The following PTPRT variants were observed in gnomAD, a reference collection of about 807,000 sequenced individuals.
PTPRT encodes the protein receptor-type tyrosine-protein phosphatase T.
PTPRT carries 56 observed loss-of-function variants against 176.8 expected under a neutral mutation model. The observed-to-expected ratio is 0.32, with a 90% CI of 0.26 to 0.40. The LOEUF (loss-of-function observed/expected upper bound fraction) is 0.40. PTPRT is among the 10% of genes least tolerant of loss of function. The pLI is 1.00. For synonymous variants in PTPRT, 783 were observed against 739.0 expected (o/e 1.06, Z -0.96); for missense variants, 1,540 against 1,908.2 (o/e 0.81, Z 3.60).
intron 7 of PTPRT, among the ~76,000 whole-genome samples, chr20:42,619,180 A>T (rs200348198): frequency 3.5e-4 from 52 of 149,892 alleles, no homozygotes; most frequent in Non-Finnish European, 5.2e-4. Flanking sequence ...TAAAGTATTT[A>T]ATTTCTCCTT....
chr20:42,219,822 T>A lies in PTPRT; in HGVS notation c.2342+16407A>T, dbSNP rs112265728. ...AGCTTAACTATCACATGGTTCTAAG[T>A]CCTGTAACTACCATTAATTGGATGG... On this transcript the variant is annotated intron_variant, in intron 15 of 30. Transcript: ENST00000373187. 8.8e-3 allele frequency among the ~76,000 whole-genome samples: 1,337 copies of A among 152,254 alleles called. 13 individuals are homozygous for A. Among genetic ancestry groups the A allele is most frequent in the African/African-American group, 0.03 (1,259 of 41,544 alleles).
chr20:42,888,707 T>C (rs1437670393), intron 1 of PTPRT, among the ~76,000 whole-genome samples: 1 of 152,170 alleles, frequency 6.6e-6, no homozygotes, highest in Non-Finnish European at 1.5e-5. Flanking sequence ...TCCAAGGTGG[T>C]TGGGCCTCTC....
At chr20:42,521,669 G>C (rs1260976375) in intron 7 of PTPRT, among the ~76,000 whole-genome samples, 1 of 152,140 alleles carries the variant, frequency 6.6e-6, no homozygotes, top group African/African-American at 2.4e-5. Context: ...GAACCCATTA[G>C]AACAATATTA....
chr20:42,111,826 T>G (rs1987013782), intron 22 of PTPRT, among the ~76,000 whole-genome samples: 1 of 152,154 alleles, frequency 6.6e-6, no homozygotes, highest in Non-Finnish European at 1.5e-5. Flanking sequence ...TTAATCATTC[T>G]AATATAGTGA....
At chr20:43,010,729 GAAA>G (rs140518179) in intron 1 of PTPRT, among the ~76,000 whole-genome samples, 1 of 141,170 alleles carries the variant, frequency 7.1e-6, no homozygotes. Context: ...CCACTTGCAA[GAAA>G]AAAAAAAAAA....
chr20:42,121,695 TTTTATA>T (rs1376653718), intron 19 of PTPRT, among the ~76,000 whole-genome samples: 146 of 47,364 alleles, frequency 3.1e-3, no homozygotes, highest in African/African-American at 8.0e-3. Flanking sequence ...TAAAGAAATT[TTTTATA>T]TATATATATA....
chr20:42,447,658 C>A (rs1273045395), intron 9 of PTPRT, among the ~76,000 whole-genome samples: 2 of 152,048 alleles, frequency 1.3e-5, no homozygotes, highest in African/African-American at 4.8e-5. Context: ...TGGGTACATT[C>A]CTGCTTGAGT....
intron 17 of PTPRT, among the ~76,000 whole-genome samples, chr20:42,159,406 T>G (rs1450610484): frequency 6.6e-6 from 1 of 152,034 alleles, no homozygotes; most frequent in Non-Finnish European, 1.5e-5. Flanking sequence ...ATATATGGCT[T>G]GAAAATATTT....
chr20:43,104,233 T>C (rs534604390), intron 1 of PTPRT, among the ~76,000 whole-genome samples: 65 of 152,242 alleles, frequency 4.3e-4, no homozygotes, highest in African/African-American at 1.3e-3. Context: ...CAGCACACAA[T>C]AGGGCCTTCA....
intron 15 of PTPRT, among the ~76,000 whole-genome samples, chr20:42,231,231 C>T (rs2056128554): frequency 6.6e-6 from 1 of 152,212 alleles, no homozygotes; most frequent in Non-Finnish European, 1.5e-5. Context: ...TCTTCTTCAA[C>T]CTGGCTGCTG....
At chr20:42,445,568 C>T (rs1440531485) in intron 9 of PTPRT, among the ~76,000 whole-genome samples, 1 of 152,204 alleles carries the variant, frequency 6.6e-6, no homozygotes, top group Non-Finnish European at 1.5e-5. Flanking sequence ...CCTAAATCTA[C>T]AACCTCCTTA....
intron 16 of PTPRT, among the ~76,000 whole-genome samples, chr20:42,192,325 T>G (rs781285758): frequency 5.3e-5 from 8 of 152,146 alleles, no homozygotes; most frequent in Non-Finnish European, 1.0e-4. Flanking sequence ...CCTCTATTGT[T>G]TTAAAAGCCA....
chr20:42,211,600 C>T (rs944022730), intron 15 of PTPRT, among the ~76,000 whole-genome samples: 20 of 146,384 alleles, frequency 1.4e-4, no homozygotes, highest in Non-Finnish European at 2.3e-4. Flanking sequence ...CAATGAGATA[C>T]CATCTCACAC....
At chr20:42,257,242 A>G (rs1465476826) in intron 13 of PTPRT, among the ~76,000 whole-genome samples, 1 of 152,192 alleles carries the variant, frequency 6.6e-6, no homozygotes, top group African/African-American at 2.4e-5. Flanking sequence ...GCCAACATGG[A>G]GAAACTGTGG....
In PTPRT at chr20:42,679,636, T is replaced by C. The variant is rs114085560; in HGVS notation, c.860-1477A>G. ...CATGTCCATTCCAATATTTATGTAC[T>C]GACACATTTTTTGTGTTGTTATAAT... On this transcript the variant is annotated intron_variant, in intron 6 of 30. Coordinates refer to ENST00000373187, the MANE Select transcript of PTPRT (RefSeq NM_007050.6). Among the ~76,000 whole-genome samples the C allele has an allele frequency of 9.6e-4, 146 of 152,356 alleles. 1 individual carries two copies. The highest frequency in any genetic ancestry group is 3.3e-3 in the African/African-American group (137 of 41,588).
At chr20:42,675,073 G>T (rs538895843) in intron 7 of PTPRT, among the ~76,000 whole-genome samples, 30 of 152,172 alleles carry the variant, frequency 2.0e-4, no homozygotes, top group Admixed American at 1.1e-3. Context: ...CCCCTACCTG[G>T]CCCGTCAGCT....
At chr20:42,914,334 T>C (rs905152871) in intron 1 of PTPRT, among the ~76,000 whole-genome samples, 1 of 152,220 alleles carries the variant, frequency 6.6e-6, no homozygotes, top group Non-Finnish European at 1.5e-5. Flanking sequence ...GGGTGATTAG[T>C]TGCCTGTGCT....
At chr20:42,169,609 C>T (rs921299495) in intron 16 of PTPRT, among the ~76,000 whole-genome samples, 1 of 152,036 alleles carries the variant, frequency 6.6e-6, no homozygotes, top group Non-Finnish European at 1.5e-5. Context: ...TGGCAAGCAA[C>T]AGGTCTGGAG....
chr20:42,643,310 CCTTA>C (rs2074806279), intron 7 of PTPRT, among the ~76,000 whole-genome samples: 1 of 151,754 alleles, frequency 6.6e-6, no homozygotes, highest in South Asian at 2.1e-4. Flanking sequence ...CTGTTATTAC[CCTTA>C]CTTTATTTTA....
Sources: gnomAD v4.1 joint callset for allele counts (sites outside exome capture counted in the v4.1 genomes callset) on GRCh38, gnomAD v4.1.1 for gene constraint, MANE v1.5 for transcripts, NCBI Gene and HGNC (gene_info 2026-07-23, HGNC 2026-07-21) for gene names.